Variants in CYTH1 observed in about 807,000 individuals in gnomAD.
The protein encoded by CYTH1 is cytohesin 1.
CYTH1 carries 18 observed loss-of-function variants against 61.8 expected under a neutral mutation model. That is an observed-to-expected ratio of 0.29 (90% CI 0.20 to 0.43). CYTH1 has a LOEUF of 0.43. Ranked by LOEUF, CYTH1 falls within the 20% of genes least tolerant of loss-of-function variation. The probability of loss-of-function intolerance (pLI) is 1.00; values close to 1 mark genes in which losing one functional copy is unlikely to be tolerated. For missense variants in CYTH1, 336 were observed against 510.5 expected (o/e 0.66, Z 3.29); for synonymous variants, 174 against 184.3 (o/e 0.94, Z 0.45).
At chr17:78,754,585 C>A (rs975499379) in intron 1 of CYTH1, among the ~76,000 whole-genome samples, 1 of 152,056 alleles carries the variant, frequency 6.6e-6, no homozygotes, top group Non-Finnish European at 1.5e-5. Flanking sequence ...TGGGCTCAAG[C>A]AATCCTCCTA....
chr17:78,767,812 T>C (rs984314326), intron 1 of CYTH1, among the ~76,000 whole-genome samples: 1 of 152,162 alleles, frequency 6.6e-6, no homozygotes, highest in African/African-American at 2.4e-5. Flanking sequence ...AATGATGGGA[T>C]ATCCAAGGGG....
chr17:78,680,582 C>T (rs1364383223), intron 12 of CYTH1, among the ~76,000 whole-genome samples: 2 of 152,188 alleles, frequency 1.3e-5, no homozygotes, highest in Admixed American at 6.5e-5. Flanking sequence ...TTGCAATGTA[C>T]GTAAAATGCG....
intron 1 of CYTH1, among the ~76,000 whole-genome samples, chr17:78,730,249 G>A (rs2093286003): frequency 6.6e-6 from 1 of 151,854 alleles, no homozygotes; most frequent in Non-Finnish European, 1.5e-5. Flanking sequence ...GACTAGGCCG[G>A]GCGCGGTGTC....
At chr17:78,697,469 C>G (rs10512617) in intron 9 of CYTH1, among the ~76,000 whole-genome samples, 61,381 of 151,940 alleles carry the variant, frequency 0.4, 14,962 homozygotes, top group Non-Finnish European at 0.54. Context: ...ACCCTGTCAC[C>G]TTCACGGCAA....
chr17:78,698,788 G>T, intron 8 of CYTH1, 32 bp downstream of exon 8: 1 of 1,539,572 alleles, frequency 6.5e-7, no homozygotes, highest in South Asian at 1.3e-5. Context: ...ACTCTTTCTT[G>T]ACTTGAATGA....
rs779235981 is a variant in CYTH1 at position 78,730,754 on chromosome 17, TC to T, written c.23-21023del. Among the ~76,000 whole-genome samples the T allele has an allele frequency of 4.0e-5, 6 of 151,798 alleles. 1 individual carries two copies. The East Asian group carries it at 9.9e-4, about 25-fold the overall frequency. ...ATCTCAGCTCACTGCAAGCTCCGCC[TC>T]CTGGGTTCACGCCGTTCTCCTGCCT... On this transcript the variant is annotated intron_variant, in intron 1 of 13. Coordinates refer to ENST00000446868, the MANE Select transcript of CYTH1 (RefSeq NM_004762.6).
intron 1 of CYTH1, among the ~76,000 whole-genome samples, chr17:78,751,546 G>T (rs936766179): frequency 6.6e-6 from 1 of 151,982 alleles, no homozygotes; most frequent in East Asian, 1.9e-4. Flanking sequence ...GCTGAAACAA[G>T]AAATCAGTCA....
At chr17:78,741,014 T>C (rs1174176801) in intron 1 of CYTH1, among the ~76,000 whole-genome samples, 2 of 152,156 alleles carry the variant, frequency 1.3e-5, no homozygotes, top group African/African-American at 2.4e-5. Flanking sequence ...ATCGGAAACA[T>C]ACAGGAGCTA....
At chr17:78,715,805 G>C (rs967017935) in intron 1 of CYTH1, among the ~76,000 whole-genome samples, 2 of 152,110 alleles carry the variant, frequency 1.3e-5, no homozygotes, top group Non-Finnish European at 1.5e-5. Context: ...GGTGCTGGTC[G>C]CTGGTAGTTA....
chr17:78,690,735 C>T (rs532104420), intron 11 of CYTH1, among the ~76,000 whole-genome samples: 9 of 152,106 alleles, frequency 5.9e-5, no homozygotes, highest in Non-Finnish European at 1.2e-4. Flanking sequence ...ATTTCCATTG[C>T]TTGATAAAAT....
intron 1 of CYTH1, among the ~76,000 whole-genome samples, chr17:78,722,101 C>CA (rs2093234153): frequency 6.6e-6 from 1 of 152,114 alleles, no homozygotes; most frequent in South Asian, 2.1e-4. Context: ...TCCTAGAACT[C>CA]AAAGACTTAG....
chr17:78,716,690 C>T (rs1046312133), intron 1 of CYTH1, among the ~76,000 whole-genome samples: 26 of 152,320 alleles, frequency 1.7e-4, no homozygotes, highest in African/African-American at 5.8e-4. Flanking sequence ...TTTTCCTCTG[C>T]ATAAACTTAA....
At chr17:78,746,819 G>A (rs1186562697) in intron 1 of CYTH1, among the ~76,000 whole-genome samples, 1 of 151,976 alleles carries the variant, frequency 6.6e-6, no homozygotes, top group African/African-American at 2.4e-5. Flanking sequence ...GTGCGTGCCT[G>A]TAGTCTCAGC....
chr17:78,774,519 A>C (rs967841261), intron 1 of CYTH1, among the ~76,000 whole-genome samples: 1 of 152,192 alleles, frequency 6.6e-6, no homozygotes, highest in African/African-American at 2.4e-5. Context: ...TTAACTTTTT[A>C]CAAGATGGAA....
rs566775541 is a variant in CYTH1, at chr17:78,752,438, ACTT to A, written c.22+29761_22+29763del. ...CCGATCATCTCAGACAGGACAGAGA[ACTT>A]CTTTTTTTTGAGACAGAGTCTTGCT... On this transcript the variant is annotated intron_variant, in intron 1 of 13. Transcript: ENST00000446868. Among the ~76,000 whole-genome samples the A allele has an allele frequency of 3.8e-3, 585 of 151,984 alleles. 3 individuals are homozygous for A. The highest frequency in any genetic ancestry group is 0.013 in the African/African-American group (549 of 41,428).
At chr17:78,779,389 A>G (rs1262252793) in intron 1 of CYTH1, among the ~76,000 whole-genome samples, 3 of 121,848 alleles carry the variant, frequency 2.5e-5, no homozygotes, top group Admixed American at 9.5e-5. Flanking sequence ...AACAAGAGTG[A>G]AACTCCATCT....
At chr17:78,739,354 C>T (rs1162718023) in intron 1 of CYTH1, among the ~76,000 whole-genome samples, 4 of 152,222 alleles carry the variant, frequency 2.6e-5, no homozygotes, top group Non-Finnish European at 5.9e-5. Flanking sequence ...CTCGTGGCGT[C>T]TCCACTCTAA....
chr17:78,755,767 T>A (rs922468064), intron 1 of CYTH1, among the ~76,000 whole-genome samples: 4 of 151,700 alleles, frequency 2.6e-5, no homozygotes, highest in Non-Finnish European at 5.9e-5. Flanking sequence ...AACAATTAGC[T>A]GGGCATGGTG....
At chr17:78,719,066 C>T (rs750630238) in intron 1 of CYTH1, among the ~76,000 whole-genome samples, 16 of 152,146 alleles carry the variant, frequency 1.1e-4, no homozygotes, top group Non-Finnish European at 1.9e-4. Context: ...TGCATGTTAA[C>T]GAGGGATCAT....
Sources: gnomAD v4.1 joint callset for allele counts (sites outside exome capture counted in the v4.1 genomes callset) on GRCh38, gnomAD v4.1.1 for gene constraint, MANE v1.5 for transcripts, NCBI Gene and HGNC (gene_info 2026-07-23, HGNC 2026-07-21) for gene names.